TTC39A: variants seen among roughly 807,000 people sequenced by gnomAD.
TTC39A encodes the protein tetratricopeptide repeat domain 39A.
A neutral mutation model predicts 82.3 loss-of-function variants in TTC39A; 46 were observed. The ratio of observed to expected loss-of-function variants is 0.56; its 90% confidence interval spans 0.44 to 0.71. The LOEUF is 0.71. Among genes scored for constraint, TTC39A ranks in the 30% least tolerant of loss-of-function variants. TTC39A has a pLI of 0.00. For synonymous variants in TTC39A, 254 were observed against 275.2 expected (o/e 0.92, Z 0.76); for missense variants, 543 against 712.9 (o/e 0.76, Z 2.71).
At chr1:51,295,083 TG>T (rs923611669) in intron 13 of TTC39A, among the ~76,000 whole-genome samples, 2 of 152,160 alleles carry the variant, frequency 1.3e-5, no homozygotes, top group Admixed American at 1.3e-4. Flanking sequence ...TCACCGGGTG[TG>T]GCTGTGACCT....
At chr1:51,327,859 G>C (rs1288988245) in intron 1 of TTC39A, among the ~76,000 whole-genome samples, 1 of 152,134 alleles carries the variant, frequency 6.6e-6, no homozygotes, top group East Asian at 1.9e-4. Flanking sequence ...ACCATGCCAG[G>C]CTAATTTTTG....
intron 1 of TTC39A, among the ~76,000 whole-genome samples, chr1:51,327,281 C>A (rs1645747630): frequency 1.3e-5 from 2 of 152,216 alleles, no homozygotes; most frequent in African/African-American, 4.8e-5. Context: ...GGATTTTAAT[C>A]CCTGCTCCAC....
Position 51,296,225 on chromosome 1 carries a change from G to A in TTC39A, c.1054-55C>T, listed in dbSNP as rs1644418619. ...GAGCAGCCCTCCTCCAGCCCCAGCC[G>A]GGCTGGAATCTGCAGACGGACCTCA... On this transcript the variant is annotated intron_variant, in intron 12 of 17. Transcript: ENST00000680483. 4 of 1,534,316 alleles carry A rather than the reference G, an allele frequency of 2.6e-6. 1 individual carries two copies. Among genetic ancestry groups the A allele is most frequent in the South Asian group, 2.4e-5 (2 of 83,938 alleles).
At chr1:51,289,421 C>T (rs1053565529) in intron 16 of TTC39A, among the ~76,000 whole-genome samples, 2 of 152,160 alleles carry the variant, frequency 1.3e-5, no homozygotes, top group African/African-American at 4.8e-5. Flanking sequence ...TATGACTTCA[C>T]CCAGGCAGGT....
rs773469247 is a variant in TTC39A at position 51,312,129 on chromosome 1, T to G, written c.345A>C (p.Gln115His). ...SSLVNRPTLG[Q>H]FTEEEIHAEV... Reference sequence around the variant, plus strand: ...TCCTGGATGCCACACCTTCAGTGAATTGGCCCAGCGTGGGGCGGTTCACCA... The same window carrying G: ...TCCTGGATGCCACACCTTCAGTGAAGTGGCCCAGCGTGGGGCGGTTCACCA... Residue 115 changes from glutamine to histidine, a missense_variant, in exon 4 of 18, where the codon CAA becomes CAC. Coordinates refer to ENST00000680483, the MANE Select transcript of TTC39A (RefSeq NM_001297663.2). 6.2e-7 allele frequency: 1 copy of G among 1,611,502 alleles called. No homozygotes were observed. The highest frequency in any genetic ancestry group is 1.7e-5 in the Admixed American group (1 of 59,728).
At position 51,296,250 on chromosome 1, in the gene TTC39A, A is replaced by T. The variant is rs1644419914; in HGVS notation, c.1054-80T>A. ...GGGCTGGAATCTGCAGACGGACCTC[A>T]CGTGGCCCAGCACAGGAGCTCCCGT... On this transcript the variant is annotated intron_variant, in intron 12 of 17. Coordinates refer to ENST00000680483, the MANE Select transcript of TTC39A (RefSeq NM_001297663.2). 3 of 1,386,198 alleles carry T rather than the reference A, an allele frequency of 2.2e-6. No individual in the cohort carries two copies. The Admixed American group carries it at 5.9e-5, about 27-fold the overall frequency. The allele number at this position is 1,386,198 out of a possible 1,614,324, so 85.9% of individuals were successfully genotyped here.
intron 7 of TTC39A, chr1:51,305,493 T>C: frequency 2.9e-6 from 1 of 347,600 alleles, no homozygotes; most frequent in South Asian, 2.6e-5. Context: ...GGGAAACTCC[T>C]AGGGATCCTT....
intron 14 of TTC39A, among the ~76,000 whole-genome samples, chr1:51,293,619 C>A (rs1441969821): frequency 6.6e-6 from 1 of 152,234 alleles, no homozygotes; most frequent in Admixed American, 6.5e-5. Context: ...AGAAAAAGGT[C>A]TCTCAAGCAG....
Position 51,306,126 on chromosome 1 carries a change from T to TA in TTC39A, c.489-51dup, listed in dbSNP as rs746680785. On this transcript the variant is annotated intron_variant, in intron 6 of 17. Coordinates refer to ENST00000680483, the MANE Select transcript of TTC39A (RefSeq NM_001297663.2). ...TTCAGCCACTGCTGGGGGTGGGGGG[T>TA]AGGGGCTGGGACCCCTTCCAGCTGG... The TA allele has an allele frequency of 6.1e-5, 92 of 1,514,146 alleles. No homozygotes were observed. In the East Asian group the frequency reaches 1.9e-3, roughly 31 times the overall value. 93.8% of individuals were successfully genotyped at this position (1,514,146 alleles called of 1,614,324 possible). A position where few individuals can be genotyped will look rare whatever the true frequency, so the allele number is the denominator to read the frequency against.
chr1:51,341,377 G>C (rs1235739834), intron 1 of TTC39A, among the ~76,000 whole-genome samples: 1 of 152,072 alleles, frequency 6.6e-6, no homozygotes, highest in Non-Finnish European at 1.5e-5. Context: ...GCTTTGAGAG[G>C]CAGAAATTTT....
At chr1:51,313,090 A>G in intron 2 of TTC39A, 147 bp from the exon 3 acceptor site, 1 of 1,085,002 alleles carries the variant, frequency 9.2e-7, no homozygotes, top group Admixed American at 2.3e-5. Flanking sequence ...GGCCAGGTCT[A>G]ATCTGCTCAC....
intron 14 of TTC39A, among the ~76,000 whole-genome samples, chr1:51,292,998 G>A (rs985325482): frequency 1.3e-5 from 2 of 151,818 alleles, no homozygotes; most frequent in African/African-American, 4.8e-5. Context: ...TAAGTTTTTG[G>A]TATAGTTGCT....
At chr1:51,342,872 C>A (rs746616626) in intron 1 of TTC39A, 70 of 359,664 alleles carry the variant, frequency 1.9e-4, no homozygotes, top group Non-Finnish European at 3.9e-4. Flanking sequence ...CACTGCTTCT[C>A]ATTTCTTCCT....
intron 2 of TTC39A, among the ~76,000 whole-genome samples, chr1:51,314,643 G>C (rs1645215538): frequency 6.6e-6 from 1 of 152,212 alleles, no homozygotes. Context: ...ATGCTCCCAG[G>C]CCTTTGCTAG....
chr1:51,331,363 A>G (rs1645908323), upstream of TTC39A: 2 of 1,491,252 alleles, frequency 1.3e-6, no homozygotes, highest in Admixed American at 4.2e-5. Context: ...CCACTGGCCC[A>G]TGAAGAGTTA....
chr1:51,297,490 A>C (rs1314247360), intron 12 of TTC39A: 1 of 152,136 alleles, frequency 6.6e-6, no homozygotes, highest in African/African-American at 2.4e-5. Context: ...AAGTGCTAGG[A>C]TTACAGGCAT....
chr1:51,290,494 A>G lies in TTC39A; in HGVS notation c.1378+20T>C, dbSNP rs770410982. 1.9e-6 allele frequency: 3 copies of G among 1,602,530 alleles called. No individual in the cohort carries two copies. The Admixed American group carries it at 5.1e-5, about 27-fold the overall frequency. ...AGACCTGACCTAGCATGGCAGGCCC[A>G]AGGGCCTGAGGGAAGTCACCTGGGC... On this transcript the variant is annotated intron_variant, in intron 15 of 17. Transcript: ENST00000680483.
At chr1:51,344,536 C>A (rs1346877872) in intron 1 of TTC39A, among the ~76,000 whole-genome samples, 1 of 152,190 alleles carries the variant, frequency 6.6e-6, no homozygotes, top group East Asian at 1.9e-4. Flanking sequence ...ACCTGCTCCT[C>A]GGATGTGGAC....
At chr1:51,325,178 T>C (rs141358845) in intron 1 of TTC39A, among the ~76,000 whole-genome samples, 24 of 149,858 alleles carry the variant, frequency 1.6e-4, no homozygotes, top group Admixed American at 1.1e-3. Context: ...CGCTTGAACA[T>C]GGGAGGCAGA....
Sources: allele counts gnomAD v4.1 joint callset (sites outside exome capture counted in the v4.1 genomes callset), GRCh38; gene constraint gnomAD v4.1.1; transcripts MANE v1.5; gene names NCBI Gene and HGNC (gene_info 2026-07-23, HGNC 2026-07-21).